ATP6V0C: variants seen among roughly 807,000 people sequenced by gnomAD.
The protein encoded by ATP6V0C is ATPase H+ transporting V0 subunit c.
ATP6V0C carries 2 observed loss-of-function variants against 10.6 expected under a neutral mutation model. That is an observed-to-expected ratio of 0.19 (90% confidence interval 0.08 to 0.59). The LOEUF (loss-of-function observed/expected upper bound fraction) is 0.59, where lower values mean the gene tolerates loss of function less well. Among genes scored for constraint, ATP6V0C ranks in the 20% least tolerant of loss-of-function variants. The probability of loss-of-function intolerance (pLI) is 0.90; values close to 1 mark genes in which losing one functional copy is unlikely to be tolerated. For synonymous variants in ATP6V0C, 128 were observed against 101.3 expected (o/e 1.26, Z -1.59); for missense variants, 89 against 225.9 (o/e 0.39, Z 3.88).
chr16:2,513,990 G>A lies in ATP6V0C; in HGVS notation c.-114G>A, dbSNP rs1387957178. 5.4e-6 allele frequency: 5 copies of A among 930,346 alleles called. No individual in the cohort carries two copies. Among genetic ancestry groups the A allele is most frequent in the East Asian group, 3.0e-5 (1 of 33,004 alleles). 57.6% of individuals were successfully genotyped at this position (930,346 alleles called of 1,614,324 possible). ...GGTATTTAGAGCGCAGCGGCTGACGGGCCGGATCGCCTTCGCCGCCGCCCG... is the reference window on the plus strand; with the variant it reads ...GGTATTTAGAGCGCAGCGGCTGACGAGCCGGATCGCCTTCGCCGCCGCCCG... On this transcript the variant is annotated 5_prime_UTR_variant, in exon 1 of 3. Transcript: ENST00000330398.
chr16:2,516,003 T>C (rs1443578773), intron 1 of ATP6V0C, among the ~76,000 whole-genome samples: 1 of 152,152 alleles, frequency 6.6e-6, no homozygotes, highest in Non-Finnish European at 1.5e-5. Flanking sequence ...GCCTAGGCCT[T>C]TCCTGCTTAT....
At chr16:2,513,875 T>G, upstream of ATP6V0C, 1 of 382,688 alleles carries the variant, frequency 2.6e-6, no homozygotes, top group Admixed American at 4.9e-5. Flanking sequence ...CGGGGACGCG[T>G]CTCCCCCACG....
chr16:2,513,934 G>T (rs2065862798), upstream of ATP6V0C: 1 of 575,018 alleles, frequency 1.7e-6, no homozygotes, highest in Non-Finnish European at 3.0e-6. Flanking sequence ...CATGTGACGC[G>T]GCCGCGGCCG....
At chr16:2,514,269 A>T (rs2065865600) in intron 1 of ATP6V0C, 87 bp downstream of exon 1, 44 of 1,378,316 alleles carry the variant, frequency 3.2e-5, no homozygotes, top group Non-Finnish European at 3.4e-5. Flanking sequence ...GTGTGACGTC[A>T]CTCTGACGTA....
At chr16:2,518,336 C>T (rs1238104857) in intron 1 of ATP6V0C, among the ~76,000 whole-genome samples, 1 of 152,240 alleles carries the variant, frequency 6.6e-6, no homozygotes, top group Non-Finnish European at 1.5e-5. Flanking sequence ...GGAGGGACAG[C>T]TCTGGAGGAG....
intron 1 of ATP6V0C, among the ~76,000 whole-genome samples, chr16:2,515,246 T>A (rs193117277): frequency 6.6e-6 from 1 of 152,132 alleles, no homozygotes; most frequent in East Asian, 1.9e-4. Context: ...TCCGACGAGT[T>A]AAGTTCTGGC....
At position 2,514,016 on chromosome 16, in the gene ATP6V0C, C is replaced by A; in HGVS notation, c.-88C>A. On this transcript the variant is annotated 5_prime_UTR_variant, in exon 1 of 3. Coordinates refer to ENST00000330398, the MANE Select transcript of ATP6V0C (RefSeq NM_001694.4). The stretch of plus-strand genomic sequence containing the variant: ...GCCGGATCGCCTTCGCCGCCGCCCG[C>A]CCGCAAACCTTCGTGCCCGGCCCGT... The A allele has an allele frequency of 1.6e-6, 2 of 1,276,504 alleles. No individual in the cohort carries two copies. The highest frequency in any genetic ancestry group is 1.4e-5 in the South Asian group (1 of 72,946). The allele number at this position is 1,276,504 out of a possible 1,614,324, so 79.1% of individuals were successfully genotyped here. A position where few individuals can be genotyped will look rare whatever the true frequency, so the allele number is the denominator to read the frequency against.
chr16:2,520,143 T>A lies in ATP6V0C; in HGVS notation c.*398T>A. The A allele has an allele frequency of 1.8e-6, 1 of 551,222 alleles. No individual in the cohort carries two copies. The highest frequency in any genetic ancestry group is 3.4e-6 in the Non-Finnish European group (1 of 294,034). 34.1% of individuals were successfully genotyped at this position (551,222 alleles called of 1,614,324 possible). ...CTTGTGGGTTCCTGTTGCTGAGACT[T>A]CCTGGATGGAGCCGCCCTCACCGCC... On this transcript the variant is annotated 3_prime_UTR_variant, in exon 3 of 3. Transcript: ENST00000330398.
chr16:2,519,795 C>A lies in ATP6V0C; in HGVS notation c.*50C>A, dbSNP rs1804139. On this transcript the variant is annotated 3_prime_UTR_variant, in exon 3 of 3. Coordinates refer to ENST00000330398, the MANE Select transcript of ATP6V0C (RefSeq NM_001694.4). The stretch of plus-strand genomic sequence containing the variant: ...AGAATATTATGTAAAGACCACCCCT[C>A]CTCATTCCAGAACGAACAGCCTGAC... The A allele has an allele frequency of 5.8e-5, 92 of 1,580,538 alleles. No individual in the cohort carries two copies. The African/African-American group carries it at 9.7e-4, about 17-fold the overall frequency.
At chr16:2,517,708 GC>G (rs2065883645) in intron 1 of ATP6V0C, 1 of 127,142 alleles carries the variant, frequency 7.9e-6, no homozygotes, top group Non-Finnish European at 1.7e-5. Flanking sequence ...TGCAGGTCAG[GC>G]TGTTTGTGTG....
At chr16:2,518,447 G>A (rs1247450627) in intron 1 of ATP6V0C, among the ~76,000 whole-genome samples, 5 of 152,206 alleles carry the variant, frequency 3.3e-5, no homozygotes. Context: ...GTGTGCAGGG[G>A]AGACCTCTCT....
intron 1 of ATP6V0C, chr16:2,514,519 C>T (rs1310762620): frequency 9.9e-6 from 1 of 101,288 alleles, no homozygotes; most frequent in Non-Finnish European, 2.0e-5. Flanking sequence ...GGGGTGGGGG[C>T]GCGAGGGGGG....
chr16:2,513,855 C>T (rs2141888290), upstream of ATP6V0C: 3 of 358,212 alleles, frequency 8.4e-6, no homozygotes, highest in African/African-American at 6.6e-5. Flanking sequence ...AACGGGCCGG[C>T]CGGGCGTCCC....
rs1448661082 is a variant in ATP6V0C at position 2,514,148 on chromosome 16, C to T, written c.45C>T (p.Ala15=). Residue 15 remains alanine (A), a synonymous_variant, in exon 1 of 3, where the codon GCC becomes GCT. Coordinates refer to ENST00000330398, the MANE Select transcript of ATP6V0C (RefSeq NM_001694.4). ...GCCCCGAGTATGCTTCGTTTTTCGC[C>T]GTCATGGGCGCCTCGGCCGCCATGG... is the stretch of plus-strand genomic sequence containing the variant. The part of the protein sequence containing the change: ...KSGPEYASFF[A]VMGASAAMVF... The T allele has an allele frequency of 1.9e-6, 3 of 1,589,120 alleles. No individual in the cohort carries two copies. Among genetic ancestry groups the T allele is most frequent in the Non-Finnish European group, 2.6e-6 (3 of 1,168,784 alleles).
intron 2 of ATP6V0C, 69 bp from the exon 3 acceptor site, chr16:2,519,472 G>A: frequency 6.4e-7 from 1 of 1,558,486 alleles, no homozygotes; most frequent in South Asian, 1.2e-5. Context: ...ACCTGTGGGT[G>A]GTGACCCGGA....
rs542558372 is a variant in ATP6V0C, at chr16:2,517,762, A to G, written c.80-1456A>G. 424 of 144,378 alleles carry G rather than the reference A, an allele frequency of 2.9e-3. 2 individuals are homozygous for G. The highest frequency in any genetic ancestry group is 6.1e-3 in the South Asian group (25 of 4,124). The allele number at this position is 144,378 out of a possible 1,614,324, so 8.9% of individuals were successfully genotyped here. ...GTGTGTGTGTGTGTGTGTCTGTCAGAGATTCACTCTTGTTGTTTGTTTGAG... is the reference window on the plus strand; with the variant it reads ...GTGTGTGTGTGTGTGTGTCTGTCAGGGATTCACTCTTGTTGTTTGTTTGAG... On this transcript the variant is annotated intron_variant, in intron 1 of 2. Coordinates refer to ENST00000330398, the MANE Select transcript of ATP6V0C (RefSeq NM_001694.4).
rs890093746 is a variant in ATP6V0C at position 2,513,952 on chromosome 16, G to C, written c.-152G>C. Reference sequence around the variant, plus strand: ...GTGACGCGGCCGCGGCCGCCATTTTGTTCTGCGGTGCTGGTATTTAGAGCG... The same window carrying C: ...GTGACGCGGCCGCGGCCGCCATTTTCTTCTGCGGTGCTGGTATTTAGAGCG... On this transcript the variant is annotated 5_prime_UTR_variant, in exon 1 of 3. Transcript: ENST00000330398. 4 of 640,662 alleles carry C rather than the reference G, an allele frequency of 6.2e-6. 1 individual carries two copies. The highest frequency in any genetic ancestry group is 6.1e-5 in the South Asian group (3 of 49,038). 39.7% of individuals were successfully genotyped at this position (640,662 alleles called of 1,614,324 possible). A position where few individuals can be genotyped will look rare whatever the true frequency, so the allele number is the denominator to read the frequency against.
intron 1 of ATP6V0C, among the ~76,000 whole-genome samples, chr16:2,514,666 C>T (rs923715107): frequency 2.6e-5 from 4 of 152,150 alleles, no homozygotes; most frequent in African/African-American, 7.2e-5. Flanking sequence ...AGCCCATGTC[C>T]CCCACGGGAG....
chr16:2,517,809 C>A (rs1199526222), intron 1 of ATP6V0C: 3 of 152,272 alleles, frequency 2.0e-5, no homozygotes, highest in Non-Finnish European at 4.4e-5. Context: ...CTGTGTCGCC[C>A]AGGCTGGAGT....
Sources: allele counts gnomAD v4.1 joint callset (sites outside exome capture counted in the v4.1 genomes callset), GRCh38; gene constraint gnomAD v4.1.1; transcripts MANE v1.5; gene names NCBI Gene and HGNC (gene_info 2026-07-23, HGNC 2026-07-21).